Variants in AUTS2 observed in about 807,000 individuals in gnomAD.
AUTS2 encodes the protein autism susceptibility gene 2 protein.
Under a neutral mutation model 112.4 loss-of-function variants are expected in AUTS2, and 17 were observed. The ratio of observed to expected loss-of-function variants is 0.15; its 90% CI spans 0.10 to 0.23. The LOEUF is 0.23. Ranked by LOEUF, AUTS2 falls within the 10% of genes least tolerant of loss-of-function variation. The probability of loss-of-function intolerance (pLI) is 1.00; values close to 1 mark genes in which losing one functional copy is unlikely to be tolerated. For missense variants in AUTS2, 1,510 were observed against 1,701.6 expected (o/e 0.89, Z 1.98); for synonymous variants, 751 against 702.7 (o/e 1.07, Z -1.09).
At chr7:70,273,985 T>C (rs1164642699) in intron 4 of AUTS2, among the ~76,000 whole-genome samples, 1 of 152,178 alleles carries the variant, frequency 6.6e-6, no homozygotes. Context: ...GTAAAAATAA[T>C]GATACTGTAA....
intron 5 of AUTS2, among the ~76,000 whole-genome samples, chr7:70,544,051 CAGA>C: frequency 6.6e-6 from 1 of 152,184 alleles, no homozygotes; most frequent in Non-Finnish European, 1.5e-5. Flanking sequence ...CATCTTCTGT[CAGA>C]AGGAGAATGT....
intron 1 of AUTS2, among the ~76,000 whole-genome samples, chr7:69,632,931 A>G (rs1409756396): frequency 6.6e-6 from 1 of 152,162 alleles, no homozygotes; most frequent in Non-Finnish European, 1.5e-5. Context: ...AAAGGTTACT[A>G]TATATAGTGA....
At chr7:69,694,284 G>A (rs184108157) in intron 1 of AUTS2, among the ~76,000 whole-genome samples, 35 of 152,138 alleles carry the variant, frequency 2.3e-4, no homozygotes, top group African/African-American at 8.2e-4. Flanking sequence ...GATTAGGAAT[G>A]TTTAATTTTT....
intron 2 of AUTS2, among the ~76,000 whole-genome samples, chr7:70,047,778 G>A (rs1801572890): frequency 6.6e-6 from 1 of 152,140 alleles, no homozygotes. Context: ...GAAGAGGTAG[G>A]ATTTTAAGGA....
intron 2 of AUTS2, among the ~76,000 whole-genome samples, chr7:70,013,174 T>C (rs1433819762): frequency 6.6e-6 from 1 of 152,236 alleles, no homozygotes; most frequent in Non-Finnish European, 1.5e-5. Flanking sequence ...TGTGATGCGA[T>C]GAATACTATT....
intron 1 of AUTS2, among the ~76,000 whole-genome samples, chr7:69,831,790 C>A (rs964263471): frequency 6.6e-6 from 1 of 151,962 alleles, no homozygotes; most frequent in East Asian, 1.9e-4. Context: ...CCAATTGCAC[C>A]CTAATTCTTC....
At chr7:69,758,617 T>C (rs1313782206) in intron 1 of AUTS2, among the ~76,000 whole-genome samples, 1 of 152,192 alleles carries the variant, frequency 6.6e-6, no homozygotes, top group East Asian at 1.9e-4. Flanking sequence ...GTATCTAAAC[T>C]CTAAAAAGAG....
At chr7:70,606,815 T>C (rs1260040943) in intron 5 of AUTS2, among the ~76,000 whole-genome samples, 1 of 150,698 alleles carries the variant, frequency 6.6e-6, no homozygotes, top group Non-Finnish European at 1.5e-5. Context: ...TGAGTCGAGA[T>C]TGTGCCACTG....
At chr7:70,401,503 T>G (rs1394191018) in intron 4 of AUTS2, among the ~76,000 whole-genome samples, 1 of 152,110 alleles carries the variant, frequency 6.6e-6, no homozygotes, top group Non-Finnish European at 1.5e-5. Context: ...TGTGGAAATG[T>G]GAGTTCAGAG....
chr7:70,302,827 A>C (rs1385253546), intron 4 of AUTS2, among the ~76,000 whole-genome samples: 2 of 151,074 alleles, frequency 1.3e-5, no homozygotes, highest in East Asian at 1.9e-4. Flanking sequence ...ACTTCTCATC[A>C]TGTCCGAGGA....
intron 1 of AUTS2, among the ~76,000 whole-genome samples, chr7:69,698,160 C>T (rs1486844036): frequency 2.0e-5 from 3 of 152,058 alleles, no homozygotes; most frequent in African/African-American, 7.3e-5. Flanking sequence ...AGTGTCTTGG[C>T]CATTAATAAT....
intron 6 of AUTS2, among the ~76,000 whole-genome samples, chr7:70,742,691 G>A (rs1788187350): frequency 6.6e-6 from 1 of 152,184 alleles, no homozygotes; most frequent in Admixed American, 6.5e-5. Context: ...GAACCCGGGA[G>A]GCAGAGGTTG....
chr7:69,632,202 T>G (rs1365249179), intron 1 of AUTS2, among the ~76,000 whole-genome samples: 10 of 152,230 alleles, frequency 6.6e-5, no homozygotes, highest in Non-Finnish European at 1.3e-4. Context: ...TTTGAACTTT[T>G]GCATATACCA....
At chr7:70,262,858 G>T (rs1787236587) in intron 4 of AUTS2, among the ~76,000 whole-genome samples, 1 of 152,032 alleles carries the variant, frequency 6.6e-6, no homozygotes, top group African/African-American at 2.4e-5. Context: ...GACAATTCTG[G>T]GTCACCAAGG....
At chr7:70,278,282 T>A (rs1302429523) in intron 4 of AUTS2, among the ~76,000 whole-genome samples, 1 of 152,164 alleles carries the variant, frequency 6.6e-6, no homozygotes, top group Non-Finnish European at 1.5e-5. Context: ...ATTTTTTAAA[T>A]GAGGATTCAT....
chr7:70,176,243 G>A (rs1007215245), intron 4 of AUTS2, among the ~76,000 whole-genome samples: 7 of 152,104 alleles, frequency 4.6e-5, no homozygotes, highest in South Asian at 2.1e-4. Flanking sequence ...TTCATAGTAC[G>A]TACAAGAAAG....
intron 2 of AUTS2, 33 bp downstream of exon 2, chr7:69,899,531 C>T (rs375839152): frequency 3.9e-5 from 62 of 1,600,248 alleles, no homozygotes; most frequent in African/African-American, 4.0e-5. Context: ...TTTCCTGTGG[C>T]GGCAAAATCC....
chr7:70,582,147 G>A (rs189318097), intron 5 of AUTS2, among the ~76,000 whole-genome samples: 2 of 151,928 alleles, frequency 1.3e-5, no homozygotes, highest in East Asian at 3.9e-4. Context: ...ATCGAAGAAA[G>A]GAAATTATAG....
chr7:70,085,407 G>A (rs941341688), intron 2 of AUTS2, among the ~76,000 whole-genome samples: 12 of 148,056 alleles, frequency 8.1e-5, no homozygotes, highest in African/African-American at 1.7e-4. Context: ...GCTCTGTTGC[G>A]CAGGCTGGAG....
Sources: allele counts gnomAD v4.1 joint callset (sites outside exome capture counted in the v4.1 genomes callset), GRCh38; gene constraint gnomAD v4.1.1; transcripts MANE v1.5; gene names NCBI Gene and HGNC (gene_info 2026-07-23, HGNC 2026-07-21).